Variants in MBNL2 observed in about 807,000 individuals in gnomAD.
MBNL2 encodes the protein muscleblind-like protein 2.
Under a neutral mutation model 41.9 loss-of-function variants are expected in MBNL2, and 17 were observed. The observed-to-expected ratio is 0.41, with a 90% CI of 0.28 to 0.61. The LOEUF is 0.61. Ranked by LOEUF, MBNL2 falls within the 20% of genes least tolerant of loss-of-function variation. The pLI is 0.35. For synonymous variants in MBNL2, 195 were observed against 182.9 expected (o/e 1.07, Z -0.53); for missense variants, 336 against 505.6 (o/e 0.66, Z 3.22).
intron 2 of MBNL2, among the ~76,000 whole-genome samples, chr13:97,312,500 T>C (rs770194087): frequency 1.3e-5 from 2 of 152,196 alleles, no homozygotes; most frequent in African/African-American, 2.4e-5. Context: ...GCTTTAATGA[T>C]TTCAGGATTA....
intron 1 of MBNL2, among the ~76,000 whole-genome samples, chr13:97,230,366 G>C (rs189364057): frequency 6.6e-6 from 1 of 152,350 alleles, no homozygotes; most frequent in East Asian, 1.9e-4. Context: ...GGTGGGCGAT[G>C]ATGAGTTTTT....
At chr13:97,303,110 T>C (rs1428512617) in intron 2 of MBNL2, among the ~76,000 whole-genome samples, 1 of 152,114 alleles carries the variant, frequency 6.6e-6, no homozygotes, top group African/African-American at 2.4e-5. Context: ...ACCTTGGGCA[T>C]GAGGAGGAAT....
intron 8 of MBNL2, among the ~76,000 whole-genome samples, chr13:97,381,763 C>T (rs2065471594): frequency 6.6e-6 from 1 of 151,560 alleles, no homozygotes; most frequent in African/African-American, 2.4e-5. Context: ...TCAACAATAA[C>T]CATGAACAAA....
At chr13:97,220,105 C>T (rs2040729198), upstream of MBNL2, among the ~76,000 whole-genome samples, 1 of 152,186 alleles carries the variant, frequency 6.6e-6, no homozygotes, top group African/African-American at 2.4e-5. Context: ...ATCATGAAGT[C>T]AGCAAGTTTG....
At chr13:97,352,277 G>C (rs1487779219) in intron 5 of MBNL2, among the ~76,000 whole-genome samples, 1 of 152,140 alleles carries the variant, frequency 6.6e-6, no homozygotes, top group Non-Finnish European at 1.5e-5. Context: ...CTAGCTTTTA[G>C]CCTATCTTGG....
chr13:97,163,841 A>C, the MBNL2 span, among the ~76,000 whole-genome samples: 1 of 152,156 alleles, frequency 6.6e-6, no homozygotes, highest in Non-Finnish European at 1.5e-5. Flanking sequence ...ACAAACAGAC[A>C]CAGGGAGAAG....
At chr13:97,291,521 G>T (rs2055972004) in intron 2 of MBNL2, among the ~76,000 whole-genome samples, 1 of 152,054 alleles carries the variant, frequency 6.6e-6, no homozygotes, top group African/African-American at 2.4e-5. Flanking sequence ...TAGAAAAGCT[G>T]ATGTGTCACG....
chr13:97,293,962 T>TC (rs2056613383), intron 2 of MBNL2, among the ~76,000 whole-genome samples: 2 of 152,002 alleles, frequency 1.3e-5, no homozygotes, highest in African/African-American at 2.4e-5. Flanking sequence ...TCCCATCCTT[T>TC]CCCCCGAGTC....
At chr13:97,142,071 A>G in the MBNL2 span, among the ~76,000 whole-genome samples, 5 of 152,226 alleles carry the variant, frequency 3.3e-5, no homozygotes, top group Non-Finnish European at 2.9e-5. Flanking sequence ...AGCAACCGAT[A>G]GAAATTGATA....
chr13:97,232,849 CTATG>C (rs1241188289), intron 1 of MBNL2, among the ~76,000 whole-genome samples: 5 of 97,752 alleles, frequency 5.1e-5, no homozygotes, highest in Non-Finnish European at 9.2e-5. Flanking sequence ...ACTCTTGACG[CTATG>C]TGTGTGTGTG....
chr13:97,339,976 C>T (rs9516912), intron 3 of MBNL2, among the ~76,000 whole-genome samples: 17,409 of 152,018 alleles, frequency 0.11, 1,073 homozygotes, highest in East Asian at 0.17. Flanking sequence ...CCAGGAGTCC[C>T]GGGTGTTCTG....
Position 97,366,877 on chromosome 13 carries a change from C to T in MBNL2, c.1048+1706C>T, listed in dbSNP as rs539992792. ...TGAATGGCCACATAAAAATTGTAGA[C>T]GCGCACCCATGGGTGCTTCAAAACT... On this transcript the variant is annotated intron_variant, in intron 8 of 8. Transcript: ENST00000679496. This position sits in a 1 kb window ranked among gnomAD's most constrained non-coding sequence, Gnocchi z 4.7. 2.5e-4 allele frequency among the ~76,000 whole-genome samples: 38 copies of T among 152,168 alleles called. No homozygotes were observed. The highest frequency in any genetic ancestry group is 1.7e-3 in the Admixed American group (26 of 15,288).
the MBNL2 span, among the ~76,000 whole-genome samples, chr13:97,216,308 C>T: frequency 6.6e-5 from 10 of 152,310 alleles, no homozygotes; most frequent in East Asian, 1.5e-3. Context: ...CAGCACCACT[C>T]CATGTTCGGC....
chr13:97,197,564 A>G, the MBNL2 span, among the ~76,000 whole-genome samples: 2 of 152,012 alleles, frequency 1.3e-5, no homozygotes, highest in South Asian at 4.2e-4. Context: ...TTGATTAGCT[A>G]TTTTTTCTCT....
At chr13:97,286,531 A>AT (rs1491426680) in intron 2 of MBNL2, among the ~76,000 whole-genome samples, 2 of 152,230 alleles carry the variant, frequency 1.3e-5, no homozygotes, top group Non-Finnish European at 2.9e-5. Flanking sequence ...CTTTTAAAAC[A>AT]TAAGTCACAG....
Position 97,357,471 on chromosome 13 carries a change from T to G in MBNL2, c.859-11T>G, listed in dbSNP as rs902482513. 5.0e-6 allele frequency: 8 copies of G among 1,613,076 alleles called. No homozygotes were observed. The highest frequency in any genetic ancestry group is 6.8e-6 in the Non-Finnish European group (8 of 1,179,182). ...AAGTTAGACATATCTTATCGAATTC[T>G]TCATTTCTAGGCCTTTCCCCCTGGT... On this transcript the variant is annotated splice_polypyrimidine_tract_variant and intron_variant, in intron 6 of 8. Coordinates refer to ENST00000679496, the MANE Select transcript of MBNL2 (RefSeq NM_001382683.1).
chr13:97,333,968 AAGGG>A (rs71733629), intron 2 of MBNL2, among the ~76,000 whole-genome samples: 15,977 of 124,370 alleles, frequency 0.13, 1,055 homozygotes, highest in East Asian at 0.19. Context: ...GGAAGGAAGG[AAGGG>A]AGGGAGGGAG....
At chr13:97,354,381 T>G (rs1462636252) in intron 5 of MBNL2, among the ~76,000 whole-genome samples, 1 of 152,228 alleles carries the variant, frequency 6.6e-6, no homozygotes, top group Non-Finnish European at 1.5e-5. Flanking sequence ...CATGGATTTT[T>G]AAAATACATT....
the MBNL2 span, among the ~76,000 whole-genome samples, chr13:97,215,832 T>C: frequency 2.8e-4 from 42 of 152,168 alleles, no homozygotes; most frequent in Non-Finnish European, 5.7e-4. Context: ...AATCTCTACT[T>C]TAGTTATCAC....
Sources: gnomAD v4.1 joint callset for allele counts (sites outside exome capture counted in the v4.1 genomes callset) on GRCh38, gnomAD v4.1.1 for gene constraint, Gnocchi (gnomAD v3.1) non-coding constraint, MANE v1.5 for transcripts, NCBI Gene and HGNC (gene_info 2026-07-23, HGNC 2026-07-21) for gene names.